The following SH3D19 variants were observed in gnomAD, a reference collection of about 807,000 sequenced individuals.
SH3D19 encodes SH3 domain containing 19, also known as SH3 domain-containing protein 19.
Under a neutral mutation model 112.1 loss-of-function variants are expected in SH3D19, and 58 were observed. That is an observed-to-expected ratio of 0.52 (90% CI 0.42 to 0.64). SH3D19 has a LOEUF of 0.64. Among genes scored for constraint, SH3D19 ranks in the 30% least tolerant of loss-of-function variants. The probability of loss-of-function intolerance (pLI) is 0.00; values close to 1 mark genes in which losing one functional copy is unlikely to be tolerated. For synonymous variants in SH3D19, 391 were observed against 448.5 expected (o/e 0.87, Z 1.62); for missense variants, 1,090 against 1,263.4 (o/e 0.86, Z 2.08).
At chr4:151,280,492 G>C (rs1294778023) in intron 1 of SH3D19, among the ~76,000 whole-genome samples, 1 of 152,192 alleles carries the variant, frequency 6.6e-6, no homozygotes, top group Non-Finnish European at 1.5e-5. Flanking sequence ...AGTCACACCT[G>C]ATTCCTGACC....
intron 2 of SH3D19, among the ~76,000 whole-genome samples, chr4:151,195,998 G>C (rs1158996042): frequency 6.6e-6 from 1 of 151,898 alleles, no homozygotes; most frequent in Non-Finnish European, 1.5e-5. Context: ...ATATGCAAAG[G>C]GGTGACACAT....
chr4:151,162,771 C>G (rs771712761), intron 8 of SH3D19, among the ~76,000 whole-genome samples: 3 of 151,928 alleles, frequency 2.0e-5, no homozygotes, highest in Non-Finnish European at 4.4e-5. Context: ...GATGGGGTTT[C>G]ACTATGTTGG....
chr4:151,196,331 A>G (rs1458912081), intron 2 of SH3D19, among the ~76,000 whole-genome samples: 1 of 152,190 alleles, frequency 6.6e-6, no homozygotes, highest in Non-Finnish European at 1.5e-5. Context: ...TGGGAGGCTG[A>G]GGCAGGGGGA....
At chr4:151,144,388 C>A in intron 11 of SH3D19, 1 of 1,024,672 alleles carries the variant, frequency 9.8e-7, no homozygotes, top group Non-Finnish European at 1.5e-6. Flanking sequence ...TAAAGTGCAC[C>A]TTCTCCAGCA....
At position 151,236,994 on chromosome 4, in the gene SH3D19, A is replaced by T. The variant is rs548072413; in HGVS notation, c.113-10908T>A. On this transcript the variant is annotated intron_variant, in intron 1 of 19. Transcript: ENST00000604030. ...CAGGCCACCCAAGCCAGCAGCAGCA[A>T]CATGCTGAAGTCCCCTTCCATACTG... Among the ~76,000 whole-genome samples, 8 of 152,344 alleles carry T rather than the reference A, an allele frequency of 5.3e-5. No individual in the cohort carries two copies. The East Asian group carries it at 1.5e-3, about 29-fold the overall frequency.
intron 1 of SH3D19, among the ~76,000 whole-genome samples, chr4:151,276,441 A>C (rs1473048470): frequency 6.6e-6 from 1 of 152,170 alleles, no homozygotes; most frequent in Admixed American, 6.5e-5. Context: ...ACCTCACCCA[A>C]GGTAATGCCC....
intron 17 of SH3D19, among the ~76,000 whole-genome samples, chr4:151,130,797 A>G (rs1750504859): frequency 6.6e-6 from 1 of 152,012 alleles, no homozygotes; most frequent in African/African-American, 2.4e-5. Flanking sequence ...AAAATTAGCG[A>G]AGCACAGTGG....
rs1027214763 is a variant in SH3D19 at position 151,290,115 on chromosome 4, CTTAT to C, written c.112+35122_112+35125del. ...CATATGCCACCATAGCAGCTATTTACTTATTTATTTGTTTTGAAGAGACAGGGTT... is the reference window on the plus strand; with the variant it reads ...CATATGCCACCATAGCAGCTATTTACTTATTTGTTTTGAAGAGACAGGGTT... On this transcript the variant is annotated intron_variant, in intron 1 of 19. Coordinates refer to ENST00000604030, the MANE Select transcript of SH3D19 (RefSeq NM_001378122.1). Among the ~76,000 whole-genome samples the C allele has an allele frequency of 9.9e-4, 151 of 152,236 alleles. 1 individual carries two copies. Among genetic ancestry groups the C allele is most frequent in the African/African-American group, 3.5e-3 (144 of 41,528 alleles).
In SH3D19 at chr4:151,133,520, G is replaced by C. The variant is rs1017928065; in HGVS notation, c.2487-284C>G. Among the ~76,000 whole-genome samples, 8 of 152,244 alleles carry C rather than the reference G, an allele frequency of 5.3e-5. No homozygotes were observed. The South Asian group carries it at 6.2e-4, about 12-fold the overall frequency. ...TTGATCTTCTTACTCCCCAGTCTCC[G>C]TATGTTTGTATCCTTGGGCCACAGC... On this transcript the variant is annotated intron_variant, in intron 15 of 19. Coordinates refer to ENST00000604030, the MANE Select transcript of SH3D19 (RefSeq NM_001378122.1).
rs1747975397 is a variant in SH3D19, at chr4:151,121,540, G to A, written c.*551C>T. On this transcript the variant is annotated 3_prime_UTR_variant, in exon 20 of 20. Coordinates refer to ENST00000604030, the MANE Select transcript of SH3D19 (RefSeq NM_001378122.1). ...GGTGGGCAGGGGCTGATTTCACCAT[G>A]TGCTTACAAATGCTCCAACTAGTCA... The A allele has an allele frequency of 6.6e-6, 1 of 152,254 alleles. No homozygotes were observed. Among genetic ancestry groups the A allele is most frequent in the Non-Finnish European group, 1.5e-5 (1 of 68,042 alleles). 9.4% of individuals were successfully genotyped at this position (152,254 alleles called of 1,614,324 possible). A position where few individuals can be genotyped will look rare whatever the true frequency, so the allele number is the denominator to read the frequency against.
chr4:151,289,526 A>C (rs1405198213), intron 1 of SH3D19, among the ~76,000 whole-genome samples: 1 of 152,230 alleles, frequency 6.6e-6, no homozygotes, highest in Non-Finnish European at 1.5e-5. Flanking sequence ...CTCGATCATA[A>C]AAAGAGCACA....
chr4:151,196,689 A>G (rs1020546880), intron 2 of SH3D19, among the ~76,000 whole-genome samples: 1 of 152,178 alleles, frequency 6.6e-6, no homozygotes, highest in African/African-American at 2.4e-5. Context: ...CAAAACAAAT[A>G]ATCAGCAGAG....
chr4:151,125,647 T>G (rs1579606427), intron 19 of SH3D19, among the ~76,000 whole-genome samples: 1 of 146,228 alleles, frequency 6.8e-6, no homozygotes, highest in African/African-American at 2.5e-5. Context: ...AGGTCAGGAG[T>G]TTGATTCCAG....
At chr4:151,147,271 T>C (rs72965662) in intron 11 of SH3D19, among the ~76,000 whole-genome samples, 8,613 of 152,134 alleles carry the variant, frequency 0.057, 735 homozygotes, top group African/African-American at 0.19. Flanking sequence ...ATCTCTTAAA[T>C]GAAAGGAAAA....
intron 2 of SH3D19, among the ~76,000 whole-genome samples, chr4:151,224,177 C>T (rs996087187): frequency 1.3e-5 from 2 of 152,032 alleles, no homozygotes; most frequent in African/African-American, 2.4e-5. Context: ...GGCATGGTGG[C>T]GGGCACCTGT....
In SH3D19 at chr4:151,143,918, T is replaced by C; in HGVS notation, c.2215A>G (p.Arg739Gly). Residue 739 changes from arginine to glycine, a missense_variant, in exon 12 of 20, where the codon AGA (arginine) becomes GGA (glycine). Arg to Gly is a moderately radical substitution (Grantham distance 125). Coordinates refer to ENST00000604030, the MANE Select transcript of SH3D19 (RefSeq NM_001378122.1). ...CAATATTAATTCCTTACGTTTGGTC[T>C]GCTTCTAAGATGTTCATCAAGTGGA... The part of the protein sequence containing the change: ...ITPLDEHLRS[R>G]PNDPSHAQKP... The C allele has an allele frequency of 6.2e-7, 1 of 1,612,858 alleles. No individual in the cohort carries two copies. Among genetic ancestry groups the C allele is most frequent in the East Asian group, 2.2e-5 (1 of 44,868 alleles).
intron 1 of SH3D19, among the ~76,000 whole-genome samples, chr4:151,281,553 A>G (rs1441302283): frequency 6.6e-6 from 1 of 152,218 alleles, no homozygotes; most frequent in African/African-American, 2.4e-5. Context: ...AGAAAAATCA[A>G]GAAACAGCTA....
intron 12 of SH3D19, 47 bp downstream of exon 12, chr4:151,143,863 G>A: frequency 6.4e-7 from 1 of 1,554,868 alleles, no homozygotes; most frequent in South Asian, 1.2e-5. Flanking sequence ...TCCATGAAAT[G>A]TGCTGCTATG....
chr4:151,135,186 A>G, intron 14 of SH3D19, 54 bp from the exon 15 acceptor site: 1 of 1,448,146 alleles, frequency 6.9e-7, no homozygotes, highest in East Asian at 2.4e-5. Context: ...TTTTCATAAG[A>G]TAAATTTAAG....
Sources: gnomAD v4.1 joint callset for allele counts (sites outside exome capture counted in the v4.1 genomes callset) on GRCh38, gnomAD v4.1.1 for gene constraint, MANE v1.5 for transcripts, NCBI Gene and HGNC (gene_info 2026-07-23, HGNC 2026-07-21) for gene names.